ZNF124: variants seen among roughly 807,000 people sequenced by gnomAD.
The protein encoded by ZNF124 is zinc finger protein 124, also known as zinc finger protein HZF-16.
Under a neutral mutation model 26.6 loss-of-function variants are expected in ZNF124, and 25 were observed. That is an observed-to-expected ratio of 0.94 (90% CI 0.68 to 1.31). The LOEUF is 1.31. Among genes scored for constraint, ZNF124 ranks in the 40% most tolerant of loss-of-function variants. The probability of loss-of-function intolerance (pLI) is 0.00; values close to 1 mark genes in which losing one functional copy is unlikely to be tolerated. For synonymous variants in ZNF124, 129 were observed against 133.3 expected, an observed-to-expected ratio of 0.97 and a Z score of 0.22; for missense variants, 444 against 422.2, an observed-to-expected ratio of 1.05 and a Z score of -0.45.
intron 3 of ZNF124, chr1:247,138,348 ATCC>A (rs1672538044): frequency 6.2e-6 from 1 of 160,362 alleles, no homozygotes; most frequent in South Asian, 2.1e-4. Context: ...GGAAGTCATC[ATCC>A]TCAGCAAACA....
chr1:247,132,418 A>G (rs1015017689), intron 3 of ZNF124, among the ~76,000 whole-genome samples: 3 of 152,244 alleles, frequency 2.0e-5, no homozygotes, highest in East Asian at 1.9e-4. Context: ...CATCAAGGCC[A>G]CAGAACTGGA....
chr1:247,125,385 T>C (rs1250982552), intron 3 of ZNF124, among the ~76,000 whole-genome samples: 2 of 148,896 alleles, frequency 1.3e-5, no homozygotes, highest in African/African-American at 4.9e-5. Context: ...CAGCAGGGTG[T>C]GAGGGTTCCA....
intron 3 of ZNF124, among the ~76,000 whole-genome samples, chr1:247,158,678 G>T (rs543327751): frequency 6.6e-6 from 1 of 151,630 alleles, no homozygotes; most frequent in East Asian, 1.9e-4. Flanking sequence ...TTCCCTGGCT[G>T]GAGTGCAATG....
chr1:247,128,843 T>G (rs182859616), intron 3 of ZNF124, among the ~76,000 whole-genome samples: 1,556 of 137,772 alleles, frequency 0.011, 78 homozygotes, highest in African/African-American at 0.03. Context: ...CACGGCGCAG[T>G]TTTCTGGGGG....
At chr1:247,150,475 T>G (rs189893155), downstream of ZNF124, among the ~76,000 whole-genome samples, 1 of 152,274 alleles carries the variant, frequency 6.6e-6, no homozygotes, top group Non-Finnish European at 1.5e-5. Flanking sequence ...GAAAAAGAAT[T>G]CATTATATTT....
chr1:247,165,508 A>G (rs1673730917), intron 1 of ZNF124, among the ~76,000 whole-genome samples: 1 of 152,234 alleles, frequency 6.6e-6, no homozygotes, highest in East Asian at 1.9e-4. Flanking sequence ...CCTGGCAAGT[A>G]TTTCATGATG....
intron 3 of ZNF124, among the ~76,000 whole-genome samples, chr1:247,147,830 C>G (rs1672825963): frequency 6.6e-6 from 1 of 152,064 alleles, no homozygotes; most frequent in Non-Finnish European, 1.5e-5. Context: ...AAAATTCTAA[C>G]TGTAAATTTT....
chr1:247,131,018 G>C (rs1229242289), intron 3 of ZNF124, among the ~76,000 whole-genome samples: 1 of 152,240 alleles, frequency 6.6e-6, no homozygotes, highest in Non-Finnish European at 1.5e-5. Context: ...GGAGATTGCA[G>C]TGAGCTGAGA....
chr1:247,157,950 TA>T (rs59505413), intron 3 of ZNF124, among the ~76,000 whole-genome samples: 28,008 of 140,972 alleles, frequency 0.2, 2,679 homozygotes, highest in Admixed American at 0.25. Flanking sequence ...ATCCGATTGT[TA>T]AAAAAAAAAA....
intron 3 of ZNF124, among the ~76,000 whole-genome samples, chr1:247,137,053 T>C (rs1003537782): frequency 3.3e-5 from 5 of 151,616 alleles, no homozygotes; most frequent in Non-Finnish European, 5.9e-5. Flanking sequence ...CTTCAAACTA[T>C]ACTACAAGGC....
chr1:247,160,050 G>A (rs545192654), intron 1 of ZNF124, among the ~76,000 whole-genome samples: 8 of 133,102 alleles, frequency 6.0e-5, no homozygotes, highest in Admixed American at 8.8e-5. Context: ...CAGTGGCACC[G>A]TCTCAGCTCA....
At chr1:247,133,847 TTCA>T (rs1204354981) in intron 3 of ZNF124, among the ~76,000 whole-genome samples, 8 of 151,854 alleles carry the variant, frequency 5.3e-5, no homozygotes, top group Non-Finnish European at 1.2e-4. Flanking sequence ...GAGACAGGGT[TTCA>T]TCATGTTAGT....
chr1:247,124,718 T>A (rs1221536277), intron 3 of ZNF124, among the ~76,000 whole-genome samples: 1 of 152,124 alleles, frequency 6.6e-6, no homozygotes, highest in Non-Finnish European at 1.5e-5. Flanking sequence ...ATATGTGGGG[T>A]TTGTGTGTGT....
At chr1:247,164,745 T>C (rs1490310355) in intron 1 of ZNF124, among the ~76,000 whole-genome samples, 1 of 152,152 alleles carries the variant, frequency 6.6e-6, no homozygotes, top group Non-Finnish European at 1.5e-5. Flanking sequence ...AATTACATTG[T>C]TCACCAAATT....
At chr1:247,154,837 T>A (rs960103085), downstream of ZNF124, among the ~76,000 whole-genome samples, 2 of 152,100 alleles carry the variant, frequency 1.3e-5, no homozygotes, top group African/African-American at 4.8e-5. Context: ...AATTTCTTAT[T>A]TTAGAAAGTC....
rs1673115141 is a variant in ZNF124, at chr1:247,156,092, C to T, written c.*474G>A. On this transcript the variant is annotated 3_prime_UTR_variant, in exon 4 of 4. Coordinates refer to ENST00000543802, the MANE Select transcript of ZNF124 (RefSeq NM_001297568.2). ...GATTTATTTCCAGTGGGAGTTTTCA[C>T]ATGACCTTTAAAGTAATTGTTAAAA... 20 of 981,440 alleles carry T rather than the reference C, an allele frequency of 2.0e-5. No individual in the cohort carries two copies. Among genetic ancestry groups the T allele is most frequent in the South Asian group, 4.7e-5 (1 of 21,186 alleles). 60.8% of individuals were successfully genotyped at this position (981,440 alleles called of 1,614,324 possible). A position where few individuals can be genotyped will look rare whatever the true frequency, so the allele number is the denominator to read the frequency against.
At chr1:247,153,566 C>T (rs12410313), downstream of ZNF124, among the ~76,000 whole-genome samples, 11 of 152,190 alleles carry the variant, frequency 7.2e-5, no homozygotes, top group African/African-American at 2.7e-4. Context: ...GTAACAATTG[C>T]CTTATAACAT....
chr1:247,164,355 A>C (rs1453092991), intron 1 of ZNF124, among the ~76,000 whole-genome samples: 1 of 152,188 alleles, frequency 6.6e-6, no homozygotes, highest in Non-Finnish European at 1.5e-5. Flanking sequence ...TATACCCCCC[A>C]AAACCCCACA....
chr1:247,125,430 C>CTTTTTTTTTTTTGTT (rs1672188511), intron 3 of ZNF124, among the ~76,000 whole-genome samples: 1 of 43,306 alleles, frequency 2.3e-5, no homozygotes, highest in Non-Finnish European at 4.3e-5. Flanking sequence ...CTGTTTTTGT[C>CTTTTTTTTTTTTGTT]TTTTTTTTTT....
Sources: gnomAD v4.1 joint callset for allele counts (sites outside exome capture counted in the v4.1 genomes callset) on GRCh38, gnomAD v4.1.1 for gene constraint, MANE v1.5 for transcripts, NCBI Gene and HGNC (gene_info 2026-07-23, HGNC 2026-07-21) for gene names.